The following TP63 variants were observed in gnomAD, a reference collection of about 807,000 sequenced individuals.
TP63 encodes the protein tumor protein p63, also known as tumor protein 63.
In TP63, 17 loss-of-function variants were observed where a neutral mutation model predicts 82.8. That is an observed-to-expected ratio of 0.21 (90% CI 0.14 to 0.31). The LOEUF is 0.31. Among genes scored for constraint, TP63 ranks in the 10% least tolerant of loss-of-function variants. The pLI, the probability that TP63 is intolerant of heterozygous loss-of-function variation, is 1.00. For missense variants in TP63, 648 were observed against 895.3 expected, an observed-to-expected ratio of 0.72 and a Z score of 3.52; for synonymous variants, 330 against 321.7, an observed-to-expected ratio of 1.03 and a Z score of -0.28.
chr3:189,883,921 TTACTC>T (rs376994705), intron 10 of TP63, among the ~76,000 whole-genome samples: 7 of 150,932 alleles, frequency 4.6e-5, no homozygotes, highest in African/African-American at 1.7e-4. Context: ...AAGAAGGAAT[TTACTC>T]TGAGCGTCCA....
In TP63 at chr3:189,864,283, A is replaced by G. The variant is rs1717414056; in HGVS notation, c.631A>G (p.Ile211Val). 1 of 1,614,078 alleles carries G rather than the reference A, an allele frequency of 6.2e-7. No homozygotes were observed. The highest frequency in any genetic ancestry group is 8.5e-7 in the Non-Finnish European group (1 of 1,180,040). Residue 211 changes from isoleucine (I) to valine (V), a missense_variant, in exon 5 of 14, where the codon ATC becomes GTC. By Grantham distance (29) the Ile-to-Val change is conservative. This residue lies in a region of TP63 where 64 missense variants were observed against 144.2 expected (regional missense o/e 0.44). Transcript: ENST00000264731. ...LYCQIAKTCP[I>V]QIKVMTPPPQ... ...CTGCCAAATTGCAAAGACATGCCCC[A>G]TCCAGATCAAGGTGATGACCCCACC... is the stretch of plus-strand genomic sequence containing the variant.
intron 2 of TP63, 44 bp downstream of exon 2, chr3:189,737,912 G>A (rs753988682): frequency 1.2e-6 from 2 of 1,611,580 alleles, no homozygotes; most frequent in Non-Finnish European, 1.7e-6. Context: ...GAGCTAAATA[G>A]GTAAATGTGG....
At chr3:189,852,513 A>T (rs962134622) in intron 4 of TP63, among the ~76,000 whole-genome samples, 2 of 152,222 alleles carry the variant, frequency 1.3e-5, no homozygotes, top group Non-Finnish European at 2.9e-5. Flanking sequence ...TATGTATTTC[A>T]TGTTAAAACC....
At chr3:189,684,482 C>T (rs1421627048) in intron 1 of TP63, among the ~76,000 whole-genome samples, 3 of 152,094 alleles carry the variant, frequency 2.0e-5, no homozygotes, top group African/African-American at 7.2e-5. Context: ...ATGAATAAGA[C>T]TGTGTTCTGA....
At chr3:189,883,285 A>T (rs1407117109) in intron 10 of TP63, among the ~76,000 whole-genome samples, 1 of 152,134 alleles carries the variant, frequency 6.6e-6, no homozygotes, top group African/African-American at 2.4e-5. Flanking sequence ...TGCTTCTTCT[A>T]GTTCAGTCAT....
chr3:189,618,884 T>G, the TP63 span, among the ~76,000 whole-genome samples: 58 of 152,188 alleles, frequency 3.8e-4, no homozygotes, highest in African/African-American at 1.3e-3. Flanking sequence ...AAATTTCTCT[T>G]CATTTAGCAT....
At chr3:189,717,787 T>C (rs1209968410) in intron 1 of TP63, among the ~76,000 whole-genome samples, 1 of 152,192 alleles carries the variant, frequency 6.6e-6, no homozygotes, top group Non-Finnish European at 1.5e-5. Flanking sequence ...TTTTTTTCTT[T>C]TAGCTTGAAA....
chr3:189,786,208 A>G (rs988301669), intron 3 of TP63, among the ~76,000 whole-genome samples: 2 of 151,962 alleles, frequency 1.3e-5, no homozygotes, highest in Non-Finnish European at 2.9e-5. Flanking sequence ...TGTTTTTCAT[A>G]CAGACATACA....
chr3:189,804,576 C>T (rs115285893), intron 3 of TP63, among the ~76,000 whole-genome samples: 3 of 152,302 alleles, frequency 2.0e-5, no homozygotes, highest in African/African-American at 7.2e-5. Context: ...CAATTGTACC[C>T]TGTTAACACA....
At chr3:189,860,231 A>G (rs1015418458) in intron 4 of TP63, among the ~76,000 whole-genome samples, 4 of 152,224 alleles carry the variant, frequency 2.6e-5, no homozygotes, top group African/African-American at 4.8e-5. Flanking sequence ...TTTAAATTCC[A>G]CAGAGAAAGA....
intron 1 of TP63, among the ~76,000 whole-genome samples, chr3:189,668,872 A>G (rs915178327): frequency 3.3e-5 from 5 of 152,170 alleles, no homozygotes; most frequent in Admixed American, 2.6e-4. Context: ...ATAAGTAAAT[A>G]ATAACTGAGA....
intron 3 of TP63, among the ~76,000 whole-genome samples, chr3:189,782,520 G>A (rs2108578319): frequency 6.6e-6 from 1 of 152,070 alleles, no homozygotes; most frequent in South Asian, 2.1e-4. Context: ...ATTTATAGGA[G>A]ATATTTAGTA....
rs144038529 is a variant in TP63, at chr3:189,725,297, C to T, written c.63-12443C>T. 3.5e-3 allele frequency among the ~76,000 whole-genome samples: 531 copies of T among 152,134 alleles called. 5 individuals carry two copies. The highest frequency in any genetic ancestry group is 0.012 in the African/African-American group (507 of 41,500). ...GTGAAGTTTATACACAAGACAGACC[C>T]TGTAAAGTCCACTTTCAAATAGGGT... On this transcript the variant is annotated intron_variant, in intron 1 of 13. Transcript: ENST00000264731.
chr3:189,701,168 T>C (rs1255657577), intron 1 of TP63, among the ~76,000 whole-genome samples: 2 of 152,158 alleles, frequency 1.3e-5, no homozygotes, highest in African/African-American at 2.4e-5. Context: ...CCTCTTTTTC[T>C]TTATAAATTG....
chr3:189,697,506 A>C (rs1467271417), intron 1 of TP63, among the ~76,000 whole-genome samples: 2 of 151,568 alleles, frequency 1.3e-5, no homozygotes, highest in Non-Finnish European at 2.9e-5. Flanking sequence ...TTTCTTTTTC[A>C]GTATTGTGTT....
At position 189,896,385 on chromosome 3, in the gene TP63, A is replaced by C. The variant is rs1269268817; in HGVS notation, c.*1883A>C. On this transcript the variant is annotated 3_prime_UTR_variant, in exon 14 of 14. Coordinates refer to ENST00000264731, the MANE Select transcript of TP63 (RefSeq NM_003722.5). ...TTCATGAAAATACCATTTAGTAAGA[A>C]TACCACATCAAATAAGAAATAATGC... The C allele has an allele frequency of 5.0e-6, 1 of 200,630 alleles. No individual in the cohort carries two copies. Among genetic ancestry groups the C allele is most frequent in the Non-Finnish European group, 1.0e-5 (1 of 97,238 alleles). 12.4% of individuals were successfully genotyped at this position (200,630 alleles called of 1,614,324 possible). A position where few individuals can be genotyped will look rare whatever the true frequency, so the allele number is the denominator to read the frequency against.
chr3:189,807,220 C>T (rs115409829), intron 3 of TP63, among the ~76,000 whole-genome samples: 2,770 of 152,306 alleles, frequency 0.018, 45 homozygotes, highest in Non-Finnish European at 0.028. Flanking sequence ...GGCTGATTTG[C>T]CTACTCAGGC....
At chr3:189,894,087 T>C in intron 13 of TP63, 119 bp from the exon 14 acceptor site, 2 of 1,294,272 alleles carry the variant, frequency 1.5e-6, no homozygotes, top group Non-Finnish European at 2.2e-6. Flanking sequence ...TTCTAATTTG[T>C]GGATCAATAG....
chr3:189,653,597 G>C (rs914102342), intron 1 of TP63, among the ~76,000 whole-genome samples: 2 of 152,174 alleles, frequency 1.3e-5, no homozygotes, highest in African/African-American at 4.8e-5. Flanking sequence ...CAAAACAAGT[G>C]CAGTCTCTTT....
Sources: gnomAD v4.1 joint callset for allele counts (sites outside exome capture counted in the v4.1 genomes callset) on GRCh38, gnomAD v4.1.1 for gene constraint, gnomAD v4.1.1 regional missense constraint, MANE v1.5 for transcripts, NCBI Gene and HGNC (gene_info 2026-07-23, HGNC 2026-07-21) for gene names.